ASTN2: variants seen among roughly 807,000 people sequenced by gnomAD.
ASTN2 encodes astrotactin 2.
In ASTN2, 54 loss-of-function variants were observed where a neutral mutation model predicts 139.8. The ratio of observed to expected loss-of-function variants is 0.39; its 90% confidence interval spans 0.31 to 0.48. ASTN2 has a LOEUF of 0.48. ASTN2 is among the 20% of genes least tolerant of loss of function. ASTN2 has a pLI of 0.95. For missense variants in ASTN2, 1,565 were observed against 1,725.1 expected (o/e 0.91, Z 1.64); for synonymous variants, 756 against 719.5 (o/e 1.05, Z -0.81).
At chr9:117,250,835 G>A (rs1168112164) in intron 2 of ASTN2, among the ~76,000 whole-genome samples, 1 of 152,172 alleles carries the variant, frequency 6.6e-6, no homozygotes, top group Non-Finnish European at 1.5e-5. Flanking sequence ...GGGGTGAAAG[G>A]TCCCCAAGGG....
At chr9:116,942,209 G>A (rs979595234) in intron 10 of ASTN2, among the ~76,000 whole-genome samples, 2 of 151,850 alleles carry the variant, frequency 1.3e-5, no homozygotes, top group Admixed American at 1.3e-4. Flanking sequence ...TATCACTCAG[G>A]CCCTCAGATC....
intron 4 of ASTN2, among the ~76,000 whole-genome samples, chr9:117,099,729 C>T (rs62562218): frequency 1.6e-3 from 251 of 152,186 alleles, no homozygotes; most frequent in African/African-American, 5.6e-3. Flanking sequence ...AGCAGAACCA[C>T]GATTCAAATT....
rs564895535 is a variant in ASTN2 at position 117,276,323 on chromosome 9, CAG to C, written c.630+15001_630+15002del. Among the ~76,000 whole-genome samples, 23 of 152,322 alleles carry C rather than the reference CAG, an allele frequency of 1.5e-4. No homozygotes were observed. The South Asian group carries it at 4.8e-3, about 32-fold the overall frequency. On this transcript the variant is annotated intron_variant, in intron 2 of 22. Transcript: ENST00000313400. Reference sequence around the variant, plus strand: ...CAAAAGGCTGAGAGATCCCGTCCAACAGACTCTCCTCTCCCATACTAGGCTGT... The same window carrying C: ...CAAAAGGCTGAGAGATCCCGTCCAACACTCTCCTCTCCCATACTAGGCTGT...
At chr9:117,132,122 G>C (rs1829841431) in intron 4 of ASTN2, among the ~76,000 whole-genome samples, 1 of 152,106 alleles carries the variant, frequency 6.6e-6, no homozygotes, top group African/African-American at 2.4e-5. Context: ...GATTGGATCA[G>C]ACAATGAAGC....
At chr9:117,051,822 T>C (rs1838919323) in intron 5 of ASTN2, among the ~76,000 whole-genome samples, 1 of 152,128 alleles carries the variant, frequency 6.6e-6, no homozygotes, top group Non-Finnish European at 1.5e-5. Context: ...CCAGAGCCAG[T>C]CCTGGGTTCC....
intron 19 of ASTN2, among the ~76,000 whole-genome samples, chr9:116,610,735 T>A (rs560222448): frequency 6.6e-6 from 1 of 152,246 alleles, no homozygotes; most frequent in East Asian, 1.9e-4. Context: ...TTTCACAATA[T>A]AAAGGGATCC....
chr9:117,408,062 G>A (rs1328312533), intron 1 of ASTN2, among the ~76,000 whole-genome samples: 1 of 152,108 alleles, frequency 6.6e-6, no homozygotes, highest in Non-Finnish European at 1.5e-5. Context: ...ATCAGCCCAG[G>A]TGCTTAGGAT....
chr9:117,139,191 A>G (rs1345128388), intron 4 of ASTN2, among the ~76,000 whole-genome samples: 1 of 152,208 alleles, frequency 6.6e-6, no homozygotes, highest in Admixed American at 6.5e-5. Flanking sequence ...AAGTAACCCT[A>G]AATGCCTTAC....
chr9:116,568,648 G>A (rs1853357557), intron 19 of ASTN2: 1 of 152,406 alleles, frequency 6.6e-6, no homozygotes, highest in South Asian at 2.1e-4. Context: ...GGACACTCCA[G>A]GCCAGTTATT....
At chr9:117,031,017 T>A (rs1838231968) in intron 6 of ASTN2, among the ~76,000 whole-genome samples, 1 of 152,172 alleles carries the variant, frequency 6.6e-6, no homozygotes, top group Admixed American at 6.6e-5. Context: ...CATATTAATA[T>A]GGTTTATTGG....
chr9:116,697,353 T>G, intron 16 of ASTN2: 1 of 274,570 alleles, frequency 3.6e-6, no homozygotes, highest in Non-Finnish European at 7.1e-6. Flanking sequence ...GCAGACACCA[T>G]TATTACTTCT....
chr9:117,043,632 G>A (rs1838643667), intron 5 of ASTN2, among the ~76,000 whole-genome samples: 2 of 152,102 alleles, frequency 1.3e-5, no homozygotes, highest in South Asian at 2.1e-4. Context: ...ATGATGGCTG[G>A]GCACAGTGGC....
chr9:116,435,994 T>G (rs1216403979), intron 22 of ASTN2, among the ~76,000 whole-genome samples: 1 of 152,184 alleles, frequency 6.6e-6, no homozygotes, highest in Non-Finnish European at 1.5e-5. Context: ...AAAACGCTTG[T>G]CCATTCACAT....
At chr9:116,434,839 C>G (rs1031626152) in intron 22 of ASTN2, among the ~76,000 whole-genome samples, 1 of 152,062 alleles carries the variant, frequency 6.6e-6, no homozygotes. Flanking sequence ...GAACCAGGCT[C>G]TGGGGGACAC....
chr9:117,221,701 C>T (rs955187912), intron 2 of ASTN2, among the ~76,000 whole-genome samples: 2 of 152,156 alleles, frequency 1.3e-5, no homozygotes, highest in African/African-American at 2.4e-5. Context: ...ATCCACTGGG[C>T]CTTCTCTTGG....
chr9:116,945,255 A>G (rs1835359813), intron 10 of ASTN2, among the ~76,000 whole-genome samples: 1 of 152,126 alleles, frequency 6.6e-6, no homozygotes, highest in South Asian at 2.1e-4. Context: ...CTCACAAATC[A>G]CTGGGAAGGA....
intron 19 of ASTN2, among the ~76,000 whole-genome samples, chr9:116,615,382 C>T (rs1462169999): frequency 6.6e-6 from 1 of 151,778 alleles, no homozygotes; most frequent in Non-Finnish European, 1.5e-5. Context: ...TGGGTATATA[C>T]CCAAAGGATT....
chr9:116,754,340 TG>T (rs1227162578), intron 13 of ASTN2, among the ~76,000 whole-genome samples: 1 of 152,204 alleles, frequency 6.6e-6, no homozygotes, highest in South Asian at 2.1e-4. Context: ...ATGGGATTGC[TG>T]GGTCAAATGG....
rs1207340145 is a variant in ASTN2 at position 116,878,713 on chromosome 9, T to TA, written c.1890-14981_1890-14980insT. Among the ~76,000 whole-genome samples, 7 of 151,808 alleles carry TA rather than the reference T, an allele frequency of 4.6e-5. No homozygotes were observed. The East Asian group carries it at 9.6e-4, about 21-fold the overall frequency. On this transcript the variant is annotated intron_variant, in intron 10 of 22. Transcript: ENST00000313400. Reference sequence around the variant, plus strand: ...TATTCCAGAACTTAAACTTATTTTTTTAAAAAAAGAAATTCTCCTCTTCAC... The same window carrying TA: ...TATTCCAGAACTTAAACTTATTTTTTATAAAAAAAGAAATTCTCCTCTTCAC...
Sources: gnomAD v4.1 joint callset for allele counts (sites outside exome capture counted in the v4.1 genomes callset) on GRCh38, gnomAD v4.1.1 for gene constraint, MANE v1.5 for transcripts, NCBI Gene and HGNC (gene_info 2026-07-23, HGNC 2026-07-21) for gene names.